Variants in B4GALT6 observed in about 807,000 individuals in gnomAD.
B4GALT6 encodes the protein beta-1,4-galactosyltransferase 6, also known as UDP-Gal:beta-GlcNAc beta-1,4-galactosyltransferase 6.
B4GALT6 carries 14 observed loss-of-function variants against 46.3 expected under a neutral mutation model. The ratio of observed to expected loss-of-function variants is 0.30; its 90% CI spans 0.20 to 0.47. B4GALT6 has a LOEUF of 0.47. Ranked by LOEUF, B4GALT6 falls within the 20% of genes least tolerant of loss-of-function variation. The probability of loss-of-function intolerance (pLI) is 0.99; values close to 1 mark genes in which losing one functional copy is unlikely to be tolerated. For synonymous variants in B4GALT6, 168 were observed against 162.0 expected, an observed-to-expected ratio of 1.04 and a Z score of -0.28; for missense variants, 386 against 480.1, an observed-to-expected ratio of 0.80 and a Z score of 1.83.
At chr18:31,626,873 G>A in intron 7 of B4GALT6, 126 bp downstream of exon 7, 1 of 735,310 alleles carries the variant, frequency 1.4e-6, no homozygotes, top group Non-Finnish European at 2.1e-6. Context: ...TATAAAACAG[G>A]GTTTAGAAAC....
chr18:31,629,798 C>A (rs184678303), intron 6 of B4GALT6, among the ~76,000 whole-genome samples: 279 of 144,450 alleles, frequency 1.9e-3, no homozygotes, highest in Non-Finnish European at 3.2e-3. Context: ...TGCAGTGAGC[C>A]GAGATCGCAC....
chr18:31,638,676 G>A lies in B4GALT6; in HGVS notation c.556C>T (p.Arg186Trp), dbSNP rs1265039087. Residue 186 changes from arginine to tryptophan, a missense_variant, in exon 5 of 9, where the codon CGG (arginine) becomes TGG (tryptophan). Physicochemically the swap from Arg to Trp is moderately radical, Grantham distance 101. Around this residue, in one of 2 missense-constraint regions of B4GALT6, gnomAD observed 323 missense variants for 438.9 expected, o/e 0.74. Transcript: ENST00000306851. ...ATGACATAAAACGCAAATTCCAGCC[G>A]CTGCTTCTGGAGCATTGGAATCAGA... ...LHLIPMLQKQRLEFAFYVIEQ... is the reference protein window; with the variant it reads ...LHLIPMLQKQWLEFAFYVIEQ... 6 of 1,613,886 alleles carry A rather than the reference G, an allele frequency of 3.7e-6. No homozygotes were observed. Among genetic ancestry groups the A allele is most frequent in the South Asian group, 1.1e-5 (1 of 91,078 alleles).
chr18:31,697,243 G>C, the B4GALT6 span, among the ~76,000 whole-genome samples: 68,399 of 151,894 alleles, frequency 0.45, 18,022 homozygotes, highest in South Asian at 0.67. Context: ...TCCAGACTGG[G>C]CAATGGAGTG....
At position 31,626,381 on chromosome 18, in the gene B4GALT6, A is replaced by C. The variant is rs2073697451; in HGVS notation, c.903T>G (p.Val301=). Residue 301 remains valine, a synonymous_variant, in exon 8 of 9, where the codon GTT becomes GTG. Coordinates refer to ENST00000306851, the MANE Select transcript of B4GALT6 (RefSeq NM_004775.5). ...TGGTTACATTATATCCAGCATAGTG[A>C]ACTCTACAATGCCATATATGGAAAT... The part of the protein sequence containing the change: ...GGEDDDLWNR[V]HYAGYNVTRP... 5.9e-6 allele frequency: 9 copies of C among 1,525,552 alleles called. No individual in the cohort carries two copies. Among genetic ancestry groups the C allele is most frequent in the Admixed American group, 1.7e-5 (1 of 58,260 alleles). The allele number at this position is 1,525,552 out of a possible 1,614,324, so 94.5% of individuals were successfully genotyped here.
In B4GALT6 at chr18:31,645,259, A is replaced by C. The variant is rs2073977901; in HGVS notation, c.471+96T>G. 4 of 1,502,462 alleles carry C rather than the reference A, an allele frequency of 2.7e-6. No homozygotes were observed. In the Admixed American group the frequency reaches 6.6e-5, roughly 25 times the overall value. The allele number at this position is 1,502,462 out of a possible 1,614,324, so 93.1% of individuals were successfully genotyped here. A position where few individuals can be genotyped will look rare whatever the true frequency, so the allele number is the denominator to read the frequency against. On this transcript the variant is annotated intron_variant, in intron 4 of 8. Coordinates refer to ENST00000306851, the MANE Select transcript of B4GALT6 (RefSeq NM_004775.5). The stretch of plus-strand genomic sequence containing the variant: ...CTTTTGATGTTTTAAATTTATCAAG[A>C]CTTAAAGACATTTGTCTCTGTATTC...
chr18:31,683,998 G>C (rs961678505), intron 1 of B4GALT6, among the ~76,000 whole-genome samples: 1 of 152,138 alleles, frequency 6.6e-6, no homozygotes, highest in Non-Finnish European at 1.5e-5. Flanking sequence ...ACATTAAATG[G>C]ATAAAGCTGT....
intron 2 of B4GALT6, among the ~76,000 whole-genome samples, chr18:31,661,538 GCTCT>G (rs1053234065): frequency 1.3e-5 from 2 of 151,562 alleles, no homozygotes; most frequent in Admixed American, 6.6e-5. Flanking sequence ...GTGCGCTCTC[GCTCT>G]CTCTCACACA....
chr18:31,721,860 TTC>T, the B4GALT6 span, among the ~76,000 whole-genome samples: 325 of 151,184 alleles, frequency 2.1e-3, no homozygotes, highest in African/African-American at 7.1e-3. Flanking sequence ...TTCTCTTTCT[TTC>T]TCTCTCTCTC....
chr18:31,714,043 G>A, the B4GALT6 span, among the ~76,000 whole-genome samples: 1 of 152,228 alleles, frequency 6.6e-6, no homozygotes, highest in Admixed American at 6.5e-5. Flanking sequence ...CAGCCAGTGA[G>A]TGGCTCTAGT....
the B4GALT6 span, among the ~76,000 whole-genome samples, chr18:31,701,436 T>C: frequency 6.6e-6 from 1 of 152,212 alleles, no homozygotes; most frequent in Non-Finnish European, 1.5e-5. Flanking sequence ...TTAAACTTCT[T>C]TTCTTTATAA....
chr18:31,684,826 G>A (rs2074526723), upstream of B4GALT6: 4 of 977,976 alleles, frequency 4.1e-6, no homozygotes, highest in Non-Finnish European at 4.9e-6. Flanking sequence ...CTGCGGAGAG[G>A]GGCAGCTAAC....
intron 4 of B4GALT6, among the ~76,000 whole-genome samples, chr18:31,639,549 G>GTTT (rs1306956162): frequency 6.6e-6 from 1 of 152,114 alleles, no homozygotes; most frequent in African/African-American, 2.4e-5. Flanking sequence ...GCAGAATTAA[G>GTTT]TTTTTGATAC....
the B4GALT6 span, among the ~76,000 whole-genome samples, chr18:31,718,631 C>T: frequency 1.4e-4 from 22 of 152,110 alleles, no homozygotes; most frequent in African/African-American, 5.3e-4. Flanking sequence ...GAGGCAGAAA[C>T]CTCTGAACTG....
chr18:31,636,507 A>G (rs2073860850), intron 5 of B4GALT6, among the ~76,000 whole-genome samples: 1 of 152,226 alleles, frequency 6.6e-6, no homozygotes, highest in Non-Finnish European at 1.5e-5. Context: ...AAGTGCATGA[A>G]AAGATCATCA....
chr18:31,652,058 C>T (rs570609286), intron 3 of B4GALT6, among the ~76,000 whole-genome samples: 5 of 152,248 alleles, frequency 3.3e-5, no homozygotes, highest in East Asian at 1.9e-4. Flanking sequence ...GCGTGAGCCA[C>T]GGCGCCCGGC....
At chr18:31,715,729 T>C in the B4GALT6 span, among the ~76,000 whole-genome samples, 1 of 151,440 alleles carries the variant, frequency 6.6e-6, no homozygotes, top group Non-Finnish European at 1.5e-5. Context: ...TTTTTTTTTT[T>C]AGTAGAAAAC....
chr18:31,670,299 C>T (rs2074335552), intron 1 of B4GALT6, among the ~76,000 whole-genome samples: 1 of 152,114 alleles, frequency 6.6e-6, no homozygotes, highest in African/African-American at 2.4e-5. Flanking sequence ...AGGCAATCCG[C>T]CCGCCTCAGC....
At chr18:31,683,132 A>G (rs1049838200) in intron 1 of B4GALT6, among the ~76,000 whole-genome samples, 9 of 152,230 alleles carry the variant, frequency 5.9e-5, no homozygotes, top group Non-Finnish European at 1.2e-4. Flanking sequence ...CCAAAAATTA[A>G]TTATTAAAGA....
intron 1 of B4GALT6, among the ~76,000 whole-genome samples, chr18:31,672,756 CA>C (rs571285341): frequency 1.6e-3 from 246 of 152,304 alleles, no homozygotes; most frequent in Non-Finnish European, 2.6e-3. Context: ...CATGGAGTTG[CA>C]TAACTTGCCA....
Sources: allele counts gnomAD v4.1 joint callset (sites outside exome capture counted in the v4.1 genomes callset), GRCh38; gene constraint gnomAD v4.1.1; regional missense constraint gnomAD v4.1.1; transcripts MANE v1.5; gene names NCBI Gene and HGNC (gene_info 2026-07-23, HGNC 2026-07-21).